SFMBT2: variants seen among roughly 807,000 people sequenced by gnomAD.
SFMBT2 encodes the protein Scm like with four mbt domains 2, also known as scm-like with four MBT domains protein 2.
SFMBT2 carries 38 observed loss-of-function variants against 110.1 expected under a neutral mutation model. That is an observed-to-expected ratio of 0.35 (90% CI 0.27 to 0.45). The LOEUF (loss-of-function observed/expected upper bound fraction) is 0.45, where lower values mean the gene tolerates loss of function less well. SFMBT2 is among the 20% of genes least tolerant of loss of function. The probability of loss-of-function intolerance (pLI) is 1.00; values close to 1 mark genes in which losing one functional copy is unlikely to be tolerated. For missense variants in SFMBT2, 1,011 were observed against 1,094.9 expected, an observed-to-expected ratio of 0.92 and a Z score of 1.08; for synonymous variants, 425 against 425.4, an observed-to-expected ratio of 1.00 and a Z score of 0.01.
chr10:7,179,856 T>C (rs1838193653), intron 16 of SFMBT2, among the ~76,000 whole-genome samples: 1 of 152,242 alleles, frequency 6.6e-6, no homozygotes. Context: ...GTAAAAACTT[T>C]CACAATAGGG....
intron 11 of SFMBT2, among the ~76,000 whole-genome samples, chr10:7,212,424 G>A (rs529294227): frequency 2.6e-5 from 4 of 152,316 alleles, no homozygotes; most frequent in East Asian, 1.9e-4. Flanking sequence ...TCAGGTGCAC[G>A]GAGAGGAACA....
chr10:7,356,188 C>G (rs1425340265), intron 4 of SFMBT2, among the ~76,000 whole-genome samples: 2 of 152,200 alleles, frequency 1.3e-5, no homozygotes, highest in East Asian at 3.9e-4. Flanking sequence ...ACATGGTTGT[C>G]TGTGCATGTG....
At chr10:7,169,535 TAC>T (rs1837807934) in intron 20 of SFMBT2, among the ~76,000 whole-genome samples, 1 of 152,256 alleles carries the variant, frequency 6.6e-6, no homozygotes, top group Non-Finnish European at 1.5e-5. Context: ...CTTTCTAGAC[TAC>T]TGATTTATAT....
intron 11 of SFMBT2, among the ~76,000 whole-genome samples, chr10:7,211,665 A>G (rs1420802930): frequency 6.6e-6 from 1 of 152,168 alleles, no homozygotes; most frequent in African/African-American, 2.4e-5. Flanking sequence ...CATCTGCTGA[A>G]GCAGCTTCTC....
At chr10:7,202,724 G>A (rs1408769025) in intron 12 of SFMBT2, 1 of 985,270 alleles carries the variant, frequency 1.0e-6, no homozygotes, top group Non-Finnish European at 1.2e-6. Flanking sequence ...TCAGATCTTA[G>A]TACAACTTCG....
In SFMBT2 at chr10:7,269,366, G is replaced by A. The variant is rs2692834; in HGVS notation, c.870+7526C>T. Among the ~76,000 whole-genome samples the A allele has an allele frequency of 8.1e-3, 1,226 of 152,192 alleles. 24 individuals are homozygous for A. The highest frequency in any genetic ancestry group is 0.027 in the African/African-American group (1,140 of 41,538). On this transcript the variant is annotated intron_variant, in intron 7 of 20. Transcript: ENST00000397167. Reference sequence around the variant, plus strand: ...CAATCACATTGCATGCACAGACACCGACAACCACACAGACGTGTGAACACA... The same window carrying A: ...CAATCACATTGCATGCACAGACACCAACAACCACACAGACGTGTGAACACA...
intron 4 of SFMBT2, among the ~76,000 whole-genome samples, chr10:7,344,819 C>T (rs1455576078): frequency 6.6e-6 from 1 of 151,854 alleles, no homozygotes; most frequent in Non-Finnish European, 1.5e-5. Context: ...ATTAGCCGGG[C>T]ACAGTGGCGG....
intron 4 of SFMBT2, among the ~76,000 whole-genome samples, chr10:7,359,657 A>G (rs1196596655): frequency 6.6e-6 from 1 of 152,248 alleles, no homozygotes; most frequent in Admixed American, 6.5e-5. Context: ...TGCAATTTAC[A>G]TAACTTTACA....
chr10:7,199,129 C>T (rs1434466073), intron 14 of SFMBT2, among the ~76,000 whole-genome samples: 1 of 152,006 alleles, frequency 6.6e-6, no homozygotes, highest in Non-Finnish European at 1.5e-5. Flanking sequence ...CAGGCATGCA[C>T]CACCATGCCC....
chr10:7,233,387 T>C (rs1008932418), intron 9 of SFMBT2, among the ~76,000 whole-genome samples: 5 of 152,104 alleles, frequency 3.3e-5, no homozygotes, highest in Admixed American at 3.3e-4. Flanking sequence ...GGAGGGACAC[T>C]CAGAGAGTGA....
chr10:7,365,536 C>T (rs560181825), intron 4 of SFMBT2, among the ~76,000 whole-genome samples: 2 of 152,286 alleles, frequency 1.3e-5, no homozygotes, highest in East Asian at 3.9e-4. Flanking sequence ...AAAGTGTACT[C>T]CATTCAAAGA....
chr10:7,280,835 A>T (rs1841932150), intron 6 of SFMBT2, among the ~76,000 whole-genome samples: 1 of 152,230 alleles, frequency 6.6e-6, no homozygotes, highest in Non-Finnish European at 1.5e-5. Flanking sequence ...GGTGGAGAGT[A>T]TAAAATCTAG....
At chr10:7,403,460 T>C (rs1406039069) in intron 1 of SFMBT2, among the ~76,000 whole-genome samples, 12 of 151,804 alleles carry the variant, frequency 7.9e-5, no homozygotes, top group Admixed American at 5.9e-4. Context: ...CTGGCCAACA[T>C]GGTGAAACCC....
chr10:7,350,550 C>T (rs1271086290), intron 4 of SFMBT2, among the ~76,000 whole-genome samples: 1 of 152,164 alleles, frequency 6.6e-6, no homozygotes, highest in African/African-American at 2.4e-5. Flanking sequence ...CGACAGCTCG[C>T]TACATCTTGA....
chr10:7,206,009 C>A, intron 11 of SFMBT2, 81 bp from the exon 12 acceptor site: 1 of 1,551,698 alleles, frequency 6.4e-7, no homozygotes, highest in Non-Finnish European at 8.7e-7. Flanking sequence ...AATAGAGCAT[C>A]CCTAACATGG....
chr10:7,366,589 A>C (rs1463235549), intron 4 of SFMBT2, among the ~76,000 whole-genome samples: 1 of 152,208 alleles, frequency 6.6e-6, no homozygotes, highest in Non-Finnish European at 1.5e-5. Context: ...AGGACACCAC[A>C]CACATTTGCA....
At chr10:7,236,483 A>G (rs970759490) in intron 9 of SFMBT2, among the ~76,000 whole-genome samples, 9 of 152,240 alleles carry the variant, frequency 5.9e-5, no homozygotes, top group African/African-American at 2.2e-4. Flanking sequence ...TAAGAGTCAC[A>G]CCCACAAAGG....
chr10:7,357,287 T>C (rs1342094228), intron 4 of SFMBT2, among the ~76,000 whole-genome samples: 1 of 152,120 alleles, frequency 6.6e-6, no homozygotes, highest in Admixed American at 6.5e-5. Context: ...TGGTCACACA[T>C]TACTCTGGGT....
At chr10:7,230,341 C>A (rs936685345) in intron 9 of SFMBT2, among the ~76,000 whole-genome samples, 9 of 152,170 alleles carry the variant, frequency 5.9e-5, no homozygotes, top group Non-Finnish European at 1.3e-4. Flanking sequence ...TTTCTGAATA[C>A]AACAGAACAC....
Sources: gnomAD v4.1 joint callset for allele counts (sites outside exome capture counted in the v4.1 genomes callset) on GRCh38, gnomAD v4.1.1 for gene constraint, MANE v1.5 for transcripts, NCBI Gene and HGNC (gene_info 2026-07-23, HGNC 2026-07-21) for gene names.